The following NSMCE2 variants were observed in gnomAD, a reference collection of about 807,000 sequenced individuals.
NSMCE2 encodes the protein E3 SUMO-protein ligase NSE2.
In NSMCE2, 24 loss-of-function variants were observed where a neutral mutation model predicts 23.8. That is an observed-to-expected ratio of 1.01 (90% CI 0.73 to 1.42). The LOEUF is 1.42. NSMCE2 is among the 40% of genes most tolerant of loss of function. The pLI is 0.00. For synonymous variants in NSMCE2, 92 were observed against 94.1 expected (o/e 0.98, Z 0.13); for missense variants, 284 against 296.5 (o/e 0.96, Z 0.31).
At chr8:125,289,277 T>G (rs1828017768) in intron 5 of NSMCE2, among the ~76,000 whole-genome samples, 2 of 152,210 alleles carry the variant, frequency 1.3e-5, no homozygotes, top group Non-Finnish European at 2.9e-5. Context: ...AAAGTATCAC[T>G]CATGCAGCTG....
chr8:125,299,804 C>CTTT (rs58789139), intron 5 of NSMCE2, among the ~76,000 whole-genome samples: 5,696 of 70,354 alleles, frequency 0.081, 765 homozygotes, highest in East Asian at 0.096. Context: ...TTTTGGCTTT[C>CTTT]TTTTTTTTTT....
At position 125,182,240 on chromosome 8, in the gene NSMCE2, A is replaced by G; in HGVS notation, c.402A>G (p.Lys134=). 1 of 1,602,844 alleles carries G rather than the reference A, an allele frequency of 6.2e-7. No homozygotes were observed. The highest frequency in any genetic ancestry group is 1.7e-5 in the Admixed American group (1 of 57,184). The change falls in exon 5 of 8, where the codon AAA becomes AAG. Residue 134 remains lysine (K), a synonymous_variant. Transcript: ENST00000287437. ...EKFVQFKQQL[K]ELKKQCGLQA... is the part of the protein sequence containing the mutation. ...TTGTACAGTTTAAACAACAGCTGAA[A>G]GAACTAAAGAAGCAATGTAAGTCAA... is the stretch of plus-strand genomic sequence containing the variant.
chr8:125,101,760 A>C (rs1818200923), intron 1 of NSMCE2, among the ~76,000 whole-genome samples: 1 of 152,246 alleles, frequency 6.6e-6, no homozygotes, highest in Non-Finnish European at 1.5e-5. Context: ...AAGTTTATAC[A>C]GAAATTCTGC....
At chr8:125,325,500 C>T (rs926378591) in intron 5 of NSMCE2, among the ~76,000 whole-genome samples, 3 of 152,166 alleles carry the variant, frequency 2.0e-5, no homozygotes, top group East Asian at 1.9e-4. Context: ...CAAGCACATA[C>T]CACCACACCT....
At chr8:125,094,267 CACTA>C (rs1427154679) in intron 1 of NSMCE2, among the ~76,000 whole-genome samples, 2 of 152,138 alleles carry the variant, frequency 1.3e-5, no homozygotes, top group Non-Finnish European at 2.9e-5. Flanking sequence ...GCAAGATAGT[CACTA>C]ACAAAGTGGA....
At chr8:125,320,236 G>A (rs1829377591) in intron 5 of NSMCE2, among the ~76,000 whole-genome samples, 1 of 33,648 alleles carries the variant, frequency 3.0e-5, no homozygotes, top group Non-Finnish European at 7.7e-5. Flanking sequence ...GGGAGGGAAG[G>A]GAGGGAGGGA....
intron 5 of NSMCE2, among the ~76,000 whole-genome samples, chr8:125,195,703 C>A (rs538074096): frequency 1.3e-5 from 2 of 152,146 alleles, no homozygotes; most frequent in African/African-American, 4.8e-5. Flanking sequence ...GACCATCAAC[C>A]CACTTTACAG....
intron 3 of NSMCE2, among the ~76,000 whole-genome samples, chr8:125,142,729 C>T (rs1006552955): frequency 6.6e-6 from 1 of 151,994 alleles, no homozygotes; most frequent in Non-Finnish European, 1.5e-5. Context: ...CCCAGGCTCC[C>T]GAGTAGCTGG....
Position 125,120,009 on chromosome 8 carries a change from G to A in NSMCE2, c.157+17522G>A, listed in dbSNP as rs146188671. Among the ~76,000 whole-genome samples the A allele has an allele frequency of 3.4e-4, 51 of 152,218 alleles. 1 individual carries two copies. In the East Asian group the frequency reaches 9.3e-3, roughly 28 times the overall value. On this transcript the variant is annotated intron_variant, in intron 3 of 7. Transcript: ENST00000287437. The stretch of plus-strand genomic sequence containing the variant: ...CCTTATTACAAAAAGTAAGAAGAAA[G>A]AGGAAAGATTACTTTTAGAAATGTT...
intron 5 of NSMCE2, among the ~76,000 whole-genome samples, chr8:125,312,208 C>T (rs1829000189): frequency 6.6e-6 from 1 of 152,004 alleles, no homozygotes; most frequent in Non-Finnish European, 1.5e-5. Flanking sequence ...CTATGCTTTT[C>T]AAAAGATTTG....
chr8:125,121,780 C>T lies in NSMCE2; in HGVS notation c.157+19293C>T, dbSNP rs1819275046. On this transcript the variant is annotated intron_variant, in intron 3 of 7. Transcript: ENST00000287437. ...CATTCATTTAATCCTTACAGAAATA[C>T]TGTCAGGTAGGTAGGTATCATTACC... Among the ~76,000 whole-genome samples the T allele has an allele frequency of 2.6e-5, 4 of 152,126 alleles. No homozygotes were observed. The South Asian group carries it at 8.3e-4, about 31-fold the overall frequency.
At chr8:125,233,697 G>A (rs1337572630) in intron 5 of NSMCE2, among the ~76,000 whole-genome samples, 1 of 152,096 alleles carries the variant, frequency 6.6e-6, no homozygotes, top group Non-Finnish European at 1.5e-5. Context: ...AAACAGAGAT[G>A]GAGGAGATGA....
intron 3 of NSMCE2, among the ~76,000 whole-genome samples, chr8:125,106,238 T>C (rs1256022525): frequency 1.3e-5 from 2 of 152,076 alleles, no homozygotes; most frequent in Non-Finnish European, 2.9e-5. Context: ...CAAACACATA[T>C]TAAAATACTA....
intron 5 of NSMCE2, among the ~76,000 whole-genome samples, chr8:125,308,296 A>G (rs1018515620): frequency 6.6e-6 from 1 of 152,210 alleles, no homozygotes; most frequent in East Asian, 1.9e-4. Context: ...AAAAATCCTA[A>G]GTATTTTCTC....
At chr8:125,357,119 C>A in intron 5 of NSMCE2, 100 bp from the exon 6 acceptor site, 1 of 739,794 alleles carries the variant, frequency 1.4e-6, no homozygotes, top group Non-Finnish European at 2.3e-6. Flanking sequence ...GGGCCAACAG[C>A]AAATGCTCCC....
At chr8:125,128,673 A>C (rs1372504557) in intron 3 of NSMCE2, among the ~76,000 whole-genome samples, 3 of 152,204 alleles carry the variant, frequency 2.0e-5, no homozygotes, top group African/African-American at 7.2e-5. Flanking sequence ...CTCCAGGGGA[A>C]AATCATTGTC....
chr8:125,165,508 T>G (rs1821832096), intron 4 of NSMCE2, among the ~76,000 whole-genome samples: 1 of 152,212 alleles, frequency 6.6e-6, no homozygotes. Context: ...GGCCATCACA[T>G]CTGGAAACAG....
At chr8:125,146,172 C>CT (rs1325212226) in intron 3 of NSMCE2, among the ~76,000 whole-genome samples, 6 of 152,068 alleles carry the variant, frequency 3.9e-5, no homozygotes, top group Admixed American at 1.3e-4. Context: ...GGCTCTGGGT[C>CT]TTTGACTTTC....
chr8:125,213,565 C>G (rs1364313471), intron 5 of NSMCE2, among the ~76,000 whole-genome samples: 3 of 128,954 alleles, frequency 2.3e-5, no homozygotes, highest in African/African-American at 8.5e-5. Context: ...CCCCTTTCCC[C>G]TCCCCCTCCC....
Sources: allele counts gnomAD v4.1 joint callset (sites outside exome capture counted in the v4.1 genomes callset), GRCh38; gene constraint gnomAD v4.1.1; transcripts MANE v1.5; gene names NCBI Gene and HGNC (gene_info 2026-07-23, HGNC 2026-07-21).